The following CACNA1G variants were observed in gnomAD, a reference collection of about 807,000 sequenced individuals.
The protein encoded by CACNA1G is voltage-dependent T-type calcium channel subunit alpha-1G.
CACNA1G carries 67 observed loss-of-function variants against 219.4 expected under a neutral mutation model. The observed-to-expected ratio is 0.31, with a 90% confidence interval of 0.25 to 0.37. CACNA1G has a LOEUF of 0.37. CACNA1G is among the 10% of genes least tolerant of loss of function. The pLI is 1.00. For missense variants in CACNA1G, 2,380 were observed against 3,231.4 expected (o/e 0.74, Z 6.39); for synonymous variants, 1,296 against 1,345.3 (o/e 0.96, Z 0.80).
chr17:50,625,493 C>T (rs1216024840), intron 37 of CACNA1G, among the ~76,000 whole-genome samples: 1 of 152,240 alleles, frequency 6.6e-6, no homozygotes, highest in Non-Finnish European at 1.5e-5. Flanking sequence ...AGCCTCAGCT[C>T]ACAGCTGCCA....
intron 8 of CACNA1G, 56 bp downstream of exon 8, chr17:50,576,382 C>G: frequency 6.6e-7 from 1 of 1,510,018 alleles, no homozygotes; most frequent in South Asian, 1.2e-5. Context: ...TGGGTGGCGT[C>G]CCAGAGGGGA....
chr17:50,585,932 G>C (rs1224317471), intron 9 of CACNA1G, among the ~76,000 whole-genome samples: 1 of 152,194 alleles, frequency 6.6e-6, no homozygotes, highest in Non-Finnish European at 1.5e-5. Context: ...GAGATTTCAG[G>C]GTCAGTGGAG....
chr17:50,578,958 C>A lies in CACNA1G; in HGVS notation c.2301+394C>A, dbSNP rs2041310815. ...GGAGGTCCTGTGGCATCCATCTGAC[C>A]CACTAAGTCCGGGTGTGACTGATTG... On this transcript the variant is annotated intron_variant, in intron 9 of 37. Transcript: ENST00000359106. The surrounding 1 kb of genome is among the most constrained non-coding windows in gnomAD (Gnocchi z 4.5). Among the ~76,000 whole-genome samples the A allele has an allele frequency of 6.6e-6, 1 of 152,042 alleles. No individual in the cohort carries two copies. Among genetic ancestry groups the A allele is most frequent in the South Asian group, 2.1e-4 (1 of 4,826 alleles).
chr17:50,611,462 CA>C (rs917922398), intron 26 of CACNA1G, among the ~76,000 whole-genome samples: 1 of 152,066 alleles, frequency 6.6e-6, no homozygotes, highest in African/African-American at 2.4e-5. Flanking sequence ...CCTGAGCCCC[CA>C]TTGAGTAGGT....
At chr17:50,567,990 G>A (rs1249611180) in intron 1 of CACNA1G, among the ~76,000 whole-genome samples, 1 of 152,152 alleles carries the variant, frequency 6.6e-6, no homozygotes, top group Non-Finnish European at 1.5e-5. Flanking sequence ...TGTCCACTCT[G>A]CACGGCTTGG....
At chr17:50,620,664 G>A (rs939816326) in intron 34 of CACNA1G, among the ~76,000 whole-genome samples, 2 of 152,212 alleles carry the variant, frequency 1.3e-5, no homozygotes, top group Non-Finnish European at 2.9e-5. Context: ...GAGTCCTCCA[G>A]AGGCCCTTTT....
rs9912378 is a variant in CACNA1G, at chr17:50,599,339, C to T, written c.3259-89C>T. On this transcript the variant is annotated intron_variant, in intron 16 of 37. Coordinates refer to ENST00000359106, the MANE Select transcript of CACNA1G (RefSeq NM_018896.5). ...TCACATCCCTACACTTGATGTGATG[C>T]CAGTGAGGCTCCCAGGAGACCGGGT... The T allele has an allele frequency of 1.1e-4, 130 of 1,185,848 alleles. No individual in the cohort carries two copies. In the African/African-American group the frequency reaches 1.8e-3, roughly 16 times the overall value. The allele number at this position is 1,185,848 out of a possible 1,614,324, so 73.5% of individuals were successfully genotyped here. A position where few individuals can be genotyped will look rare whatever the true frequency, so the allele number is the denominator to read the frequency against.
chr17:50,599,533 A>G lies in CACNA1G; in HGVS notation c.3364A>G (p.Arg1122Gly), dbSNP rs748634163. 2 of 1,612,386 alleles carry G rather than the reference A, an allele frequency of 1.2e-6. No individual in the cohort carries two copies. Among genetic ancestry groups the G allele is most frequent in the Non-Finnish European group, 1.7e-6 (2 of 1,179,338 alleles). ...SLGRAPSLKR[R>G]SPSGERRSLL... ...CGGCCGTGCACCCAGCCTGAAGCGG[A>G]GAAGCCCAAGTGGAGAGCGGCGGTC... Residue 1122 changes from arginine (R) to glycine (G), a missense_variant, in exon 17 of 38, where the codon AGA becomes GGA. Arg to Gly is a moderately radical substitution (Grantham distance 125, BLOSUM62 -2). Coordinates refer to ENST00000359106, the MANE Select transcript of CACNA1G (RefSeq NM_018896.5).
chr17:50,566,782 C>T (rs1010370782), intron 1 of CACNA1G, among the ~76,000 whole-genome samples: 7 of 152,212 alleles, frequency 4.6e-5, no homozygotes, highest in Admixed American at 2.0e-4. Context: ...CAGCAAGCTC[C>T]GTAGGGGATC....
intron 1 of CACNA1G, among the ~76,000 whole-genome samples, chr17:50,566,971 G>A (rs2038056237): frequency 6.6e-6 from 1 of 152,206 alleles, no homozygotes; most frequent in Non-Finnish European, 1.5e-5. Context: ...CACTCACTGG[G>A]GCTCCTTCCA....
At position 50,606,996 on chromosome 17, in the gene CACNA1G, C is replaced by G; in HGVS notation, c.4512+7C>G. On this transcript the variant is annotated splice_region_variant and intron_variant, in intron 24 of 37. Transcript: ENST00000359106. ...TGTGGGCGTGGACCAGCAGGTAGGG[C>G]TGAGGTGGGCAGGATCCATCTGTGG... is the stretch of plus-strand genomic sequence containing the variant. The G allele has an allele frequency of 6.2e-7, 1 of 1,607,336 alleles. No individual in the cohort carries two copies. Among genetic ancestry groups the G allele is most frequent in the Non-Finnish European group, 8.5e-7 (1 of 1,173,896 alleles).
Position 50,626,220 on chromosome 17 carries a change from A to T in CACNA1G, c.6603A>T (p.Glu2201Asp). Residue 2201 changes from glutamate to aspartate, a missense_variant, in exon 38 of 38, where the codon GAA becomes GAT. This residue lies in a region of CACNA1G where 672 missense variants were observed against 670.5 expected (regional missense o/e 1.00). Transcript: ENST00000359106. The surrounding 1 kb of genome is among the most constrained non-coding windows in gnomAD (Gnocchi z 4.3). ...MTPPAPCPGPEPNWGKGPPET... is the reference protein window; with the variant it reads ...MTPPAPCPGPDPNWGKGPPET... The stretch of plus-strand genomic sequence containing the variant: ...CGCCAGCCCCTTGCCCAGGCCCAGA[A>T]CCCAACTGGGGCAAGGGCCCTCCAG... 1 of 1,613,662 alleles carries T rather than the reference A, an allele frequency of 6.2e-7. No individual in the cohort carries two copies. Among genetic ancestry groups the T allele is most frequent in the Non-Finnish European group, 8.5e-7 (1 of 1,179,828 alleles).
chr17:50,605,625 G>C (rs552620875), intron 22 of CACNA1G, among the ~76,000 whole-genome samples: 5 of 152,324 alleles, frequency 3.3e-5, no homozygotes, highest in African/African-American at 1.2e-4. Flanking sequence ...GCACACGCCT[G>C]GCCTAACCGT....
At chr17:50,620,620 G>A (rs1222187268) in intron 34 of CACNA1G, among the ~76,000 whole-genome samples, 2 of 152,242 alleles carry the variant, frequency 1.3e-5, no homozygotes, top group East Asian at 1.9e-4. Context: ...CAGACCCGGA[G>A]TGGAGACAGG....
chr17:50,621,997 G>C lies in CACNA1G; in HGVS notation c.6060+203G>C, dbSNP rs946088845. Among the ~76,000 whole-genome samples, 5 of 152,178 alleles carry C rather than the reference G, an allele frequency of 3.3e-5. No individual in the cohort carries two copies. The highest frequency in any genetic ancestry group is 7.4e-5 in the Non-Finnish European group (5 of 68,026). The stretch of plus-strand genomic sequence containing the variant: ...TCAGGTTCCCCACTGGGGACAAAGA[G>C]ATTAGATAAGTTTAAATTGGGGCCT... On this transcript the variant is annotated intron_variant, in intron 35 of 37. Coordinates refer to ENST00000359106, the MANE Select transcript of CACNA1G (RefSeq NM_018896.5). This position sits in a 1 kb window ranked among gnomAD's most constrained non-coding sequence, Gnocchi z 4.6.
intron 23 of CACNA1G, chr17:50,606,535 A>G (rs1210239947): frequency 1.8e-6 from 1 of 556,084 alleles, no homozygotes; most frequent in African/African-American, 1.9e-5. Context: ...ATATATTGTC[A>G]AGATAATTCC....
At position 50,596,985 on chromosome 17, in the gene CACNA1G, G is replaced by A. The variant is rs2045691833; in HGVS notation, c.3258+62G>A. The A allele has an allele frequency of 7.1e-7, 1 of 1,414,520 alleles. No homozygotes were observed. The allele number at this position is 1,414,520 out of a possible 1,614,324, so 87.6% of individuals were successfully genotyped here. A position where few individuals can be genotyped will look rare whatever the true frequency, so the allele number is the denominator to read the frequency against. ...TATTCCAAGGAGGACAGGAGGAAGAGAGGATGGAGGCAGGCGGGTCCAAGG... is the reference window on the plus strand; with the variant it reads ...TATTCCAAGGAGGACAGGAGGAAGAAAGGATGGAGGCAGGCGGGTCCAAGG... On this transcript the variant is annotated intron_variant, in intron 16 of 37. Coordinates refer to ENST00000359106, the MANE Select transcript of CACNA1G (RefSeq NM_018896.5). The surrounding 1 kb of genome is among the most constrained non-coding windows in gnomAD (Gnocchi z 4.8).
At chr17:50,569,324 A>G (rs375439167) in intron 3 of CACNA1G, 26 bp downstream of exon 3, 2 of 1,612,300 alleles carry the variant, frequency 1.2e-6, no homozygotes, top group Non-Finnish European at 1.7e-6. Context: ...GGGGTGGGAG[A>G]GCAATGGATC....
chr17:50,622,778 A>G (rs1374953251), intron 35 of CACNA1G, among the ~76,000 whole-genome samples: 1 of 152,156 alleles, frequency 6.6e-6, no homozygotes, highest in East Asian at 1.9e-4. Flanking sequence ...AAACAGAGCA[A>G]CAACCCCACT....
Sources: gnomAD v4.1 joint callset for allele counts (sites outside exome capture counted in the v4.1 genomes callset) on GRCh38, gnomAD v4.1.1 for gene constraint, gnomAD v4.1.1 regional missense constraint, Gnocchi (gnomAD v3.1) non-coding constraint, MANE v1.5 for transcripts, NCBI Gene and HGNC (gene_info 2026-07-23, HGNC 2026-07-21) for gene names.